Variants in RBFOX1 observed in about 807,000 individuals in gnomAD.
RBFOX1 encodes RNA binding fox-1 homolog 1.
In RBFOX1, 8 loss-of-function variants were observed where a neutral mutation model predicts 57.7. That is an observed-to-expected ratio of 0.14 (90% CI 0.08 to 0.25). The LOEUF (loss-of-function observed/expected upper bound fraction) is 0.25. RBFOX1 is among the 10% of genes least tolerant of loss of function. The probability of loss-of-function intolerance (pLI) is 1.00; values close to 1 mark genes in which losing one functional copy is unlikely to be tolerated. For synonymous variants in RBFOX1, 326 were observed against 222.4 expected, an observed-to-expected ratio of 1.47 and a Z score of -4.15; for missense variants, 611 against 548.5, an observed-to-expected ratio of 1.11 and a Z score of -1.14.
At chr16:7,078,530 G>A (rs143969277) in intron 4 of RBFOX1, among the ~76,000 whole-genome samples, 1 of 151,066 alleles carries the variant, frequency 6.6e-6, no homozygotes, top group East Asian at 2.0e-4. Context: ...GTATTTTTAG[G>A]AGAGTCAGGG....
intron 4 of RBFOX1, among the ~76,000 whole-genome samples, chr16:5,955,852 C>T (rs41431844): frequency 0.031 from 4,709 of 152,252 alleles, 227 homozygotes; most frequent in African/African-American, 0.11. Flanking sequence ...TAGTTACCAG[C>T]GGAATGCAGG....
chr16:6,615,013 G>A (rs1014987872), intron 2 of RBFOX1, among the ~76,000 whole-genome samples: 2 of 152,196 alleles, frequency 1.3e-5, no homozygotes, highest in African/African-American at 2.4e-5. Flanking sequence ...TTTATTAAGA[G>A]AAATAACCAT....
At chr16:7,089,009 C>T (rs1293943516) in intron 4 of RBFOX1, among the ~76,000 whole-genome samples, 1 of 152,264 alleles carries the variant, frequency 6.6e-6, no homozygotes. Flanking sequence ...CTTTGTTAAT[C>T]ACATTGGTTC....
intron 2 of RBFOX1, among the ~76,000 whole-genome samples, chr16:5,468,583 C>G (rs1440748855): frequency 6.6e-6 from 1 of 152,218 alleles, no homozygotes; most frequent in Non-Finnish European, 1.5e-5. Context: ...AACAGGTACT[C>G]AAACAAGCAC....
intron 4 of RBFOX1, among the ~76,000 whole-genome samples, chr16:5,906,854 C>T (rs1892493987): frequency 6.7e-6 from 1 of 148,212 alleles, no homozygotes; most frequent in South Asian, 2.2e-4. Context: ...CTTGCCTCAA[C>T]CTCCTGAGTA....
At chr16:5,942,274 G>A (rs867764867) in intron 4 of RBFOX1, among the ~76,000 whole-genome samples, 8 of 152,184 alleles carry the variant, frequency 5.3e-5, no homozygotes, top group East Asian at 1.9e-4. Flanking sequence ...GATTGGCAGG[G>A]GACTAGGAAA....
At chr16:6,495,651 G>T (rs2095750488) in intron 2 of RBFOX1, among the ~76,000 whole-genome samples, 1 of 152,180 alleles carries the variant, frequency 6.6e-6, no homozygotes, top group South Asian at 2.1e-4. Context: ...GGCCGTTTCA[G>T]ACAGATGGAT....
chr16:5,584,160 C>T (rs1443963766), intron 2 of RBFOX1, among the ~76,000 whole-genome samples: 1 of 152,186 alleles, frequency 6.6e-6, no homozygotes, highest in Non-Finnish European at 1.5e-5. Context: ...TGTCAGACAT[C>T]CTAATTTTAG....
chr16:7,269,890 A>T (rs1467171695), intron 4 of RBFOX1, among the ~76,000 whole-genome samples: 3 of 152,268 alleles, frequency 2.0e-5, no homozygotes, highest in Non-Finnish European at 4.4e-5. Context: ...GCGTATTAGC[A>T]TACCGTTTAA....
At chr16:5,719,589 G>A (rs1349237805) in intron 3 of RBFOX1, among the ~76,000 whole-genome samples, 1 of 151,842 alleles carries the variant, frequency 6.6e-6, no homozygotes, top group South Asian at 2.1e-4. Flanking sequence ...CCAGGCCCTG[G>A]CAATTACTAA....
chr16:7,047,665 G>A (rs916293398), intron 3 of RBFOX1, among the ~76,000 whole-genome samples: 6 of 129,218 alleles, frequency 4.6e-5, no homozygotes, highest in African/African-American at 1.7e-4. Flanking sequence ...TAGAATTTCA[G>A]TAACATGAAA....
At chr16:6,604,762 C>A (rs896386669) in intron 2 of RBFOX1, among the ~76,000 whole-genome samples, 1 of 152,034 alleles carries the variant, frequency 6.6e-6, no homozygotes, top group African/African-American at 2.4e-5. Flanking sequence ...TATATGATTC[C>A]AAGATTCTAT....
chr16:7,069,443 C>T (rs915918381), intron 4 of RBFOX1, among the ~76,000 whole-genome samples: 7 of 152,132 alleles, frequency 4.6e-5, no homozygotes, highest in African/African-American at 1.2e-4. Context: ...TGAGAGCATG[C>T]GGTGTTCAGT....
At chr16:6,704,269 C>A (rs1402239026) in intron 3 of RBFOX1, 2 of 152,194 alleles carry the variant, frequency 1.3e-5, no homozygotes, top group East Asian at 3.9e-4. Context: ...ACAGCCAGTC[C>A]CTGCTCCACA....
chr16:7,069,252 A>G (rs7184993), intron 4 of RBFOX1, among the ~76,000 whole-genome samples: 109,655 of 152,038 alleles, frequency 0.72, 40,163 homozygotes, highest in East Asian at 0.91. Context: ...TTTGTTACAT[A>G]GGTAAACATG....
At chr16:5,528,104 A>T (rs939101689) in intron 2 of RBFOX1, among the ~76,000 whole-genome samples, 3 of 152,188 alleles carry the variant, frequency 2.0e-5, no homozygotes, top group Non-Finnish European at 1.5e-5. Flanking sequence ...TTTCTGATTA[A>T]ATAATTCATG....
chr16:7,102,630 G>C (rs1301281977), intron 4 of RBFOX1, among the ~76,000 whole-genome samples: 1 of 152,138 alleles, frequency 6.6e-6, no homozygotes, highest in Non-Finnish European at 1.5e-5. Flanking sequence ...TTGTCACCTT[G>C]AAATGCAAAA....
intron 2 of RBFOX1, among the ~76,000 whole-genome samples, chr16:5,522,095 C>T (rs975311683): frequency 2.0e-5 from 3 of 152,236 alleles, no homozygotes; most frequent in Non-Finnish European, 4.4e-5. Context: ...TGGAGGCAGC[C>T]AGGCTCTCTG....
At chr16:6,893,406 T>C (rs1316738208) in intron 3 of RBFOX1, among the ~76,000 whole-genome samples, 1 of 152,204 alleles carries the variant, frequency 6.6e-6, no homozygotes, top group Non-Finnish European at 1.5e-5. Flanking sequence ...CCCTGTACCA[T>C]GCCTTTACAG....
Sources: allele counts gnomAD v4.1 joint callset (sites outside exome capture counted in the v4.1 genomes callset), GRCh38; gene constraint gnomAD v4.1.1; transcripts MANE v1.5; gene names NCBI Gene and HGNC (gene_info 2026-07-23, HGNC 2026-07-21).